Variants in PCDHGB2 observed in about 807,000 individuals in gnomAD.
PCDHGB2 encodes the protein protocadherin gamma subfamily B, 2, also known as protocadherin gamma-B2.
In PCDHGB2, 55 loss-of-function variants were observed where a neutral mutation model predicts 59.3. The observed-to-expected ratio is 0.93, with a 90% CI of 0.75 to 1.16. PCDHGB2 has a LOEUF of 1.16. Among genes scored for constraint, PCDHGB2 ranks in the 50% most tolerant of loss-of-function variants. The pLI, the probability that PCDHGB2 is intolerant of heterozygous loss-of-function variation, is 0.00. For synonymous variants in PCDHGB2, 516 were observed against 512.0 expected, an observed-to-expected ratio of 1.01 and a Z score of -0.11; for missense variants, 1,228 against 1,198.5, an observed-to-expected ratio of 1.02 and a Z score of -0.36.
At chr5:141,442,837 A>G (rs2098346617) in intron 1 of PCDHGB2, among the ~76,000 whole-genome samples, 1 of 152,202 alleles carries the variant, frequency 6.6e-6, no homozygotes, top group Admixed American at 6.5e-5. Flanking sequence ...GGGAGGGACA[A>G]ATCTTGGCCA....
Position 141,362,286 on chromosome 5 carries a change from C to T in PCDHGB2, c.2151C>T (p.Leu717=). 6.2e-7 allele frequency: 1 copy of T among 1,614,082 alleles called. No homozygotes were observed. The highest frequency in any genetic ancestry group is 8.5e-7 in the Non-Finnish European group (1 of 1,179,908). ...TGGCAATCTCCCTGCGCCTGCGACT[C>T]TCTTCCAGGTCAGATGCTTGGGACT... ...VILAISLRLR[L]SSRSDAWDCF... is the part of the protein sequence containing the mutation. Residue 717 remains leucine (L), a synonymous_variant, in exon 1 of 4, where the codon CTC becomes CTT. Coordinates refer to ENST00000522605, the MANE Select transcript of PCDHGB2 (RefSeq NM_018923.3).
intron 1 of PCDHGB2, among the ~76,000 whole-genome samples, chr5:141,470,845 G>T (rs1381257094): frequency 1.3e-5 from 2 of 151,972 alleles, no homozygotes; most frequent in African/African-American, 4.8e-5. Flanking sequence ...ACGCCACCAT[G>T]CTCAGATAAG....
At chr5:141,376,011 T>C (rs1173303153) in intron 1 of PCDHGB2, 1 of 1,613,332 alleles carries the variant, frequency 6.2e-7, no homozygotes, top group Non-Finnish European at 8.5e-7. Context: ...CAGAGCCTAG[T>C]GGTGGCCGTC....
At position 141,494,841 on chromosome 5, in the gene PCDHGB2, A is replaced by G. The variant is rs1163193977; in HGVS notation, c.2456A>G (p.Gln819Arg). ...APPNTDWRFS[Q>R]AQRPGTSGSQ... ...CCCAACACGGACTGGCGTTTCTCTC[A>G]GGCCCAGAGACCCGGCACCAGCGGG... The change falls in exon 2 of 4, where the codon CAG (glutamine) becomes CGG (arginine). Residue 819 changes from glutamine to arginine, a missense_variant. Gln to Arg is a conservative substitution (Grantham distance 43). Coordinates refer to ENST00000522605, the MANE Select transcript of PCDHGB2 (RefSeq NM_018923.3). 1 of 1,613,996 alleles carries G rather than the reference A, an allele frequency of 6.2e-7. No homozygotes were observed. The highest frequency in any genetic ancestry group is 1.1e-5 in the South Asian group (1 of 91,074).
intron 1 of PCDHGB2, chr5:141,374,138 C>A: frequency 6.2e-7 from 1 of 1,608,824 alleles, no homozygotes. Context: ...GCTCCTCACG[C>A]TCCTGGGGAC....
intron 1 of PCDHGB2, among the ~76,000 whole-genome samples, chr5:141,454,829 A>T (rs2098803417): frequency 1.4e-5 from 1 of 70,192 alleles, no homozygotes. Context: ...TTTTTTTGAG[A>T]CAGAGTCGCG....
intron 1 of PCDHGB2, chr5:141,371,293 A>T (rs748951789): frequency 1.2e-6 from 2 of 1,614,006 alleles, no homozygotes; most frequent in Non-Finnish European, 1.7e-6. Context: ...AAAACGGGGG[A>T]ACTCACCACT....
At position 141,408,137 on chromosome 5, in the gene PCDHGB2, T is replaced by C; in HGVS notation, c.2421+45581T>C. ...CTCCTGTCCTGGGCCGAATGCTCTT[T>C]TAGCGCGGTAGAGTGCACTTTCTCC... On this transcript the variant is annotated intron_variant, in intron 1 of 3. Coordinates refer to ENST00000522605, the MANE Select transcript of PCDHGB2 (RefSeq NM_018923.3). 4.0e-6 allele frequency: 6 copies of C among 1,488,870 alleles called. No individual in the cohort carries two copies. The South Asian group carries it at 8.2e-5, about 20-fold the overall frequency. 92.2% of individuals were successfully genotyped at this position (1,488,870 alleles called of 1,614,324 possible).
intron 1 of PCDHGB2, chr5:141,399,149 C>A: frequency 6.2e-7 from 1 of 1,613,772 alleles, no homozygotes; most frequent in Non-Finnish European, 8.5e-7. Flanking sequence ...GACAATAGCC[C>A]AGAAGTTACA....
At chr5:141,393,592 G>A (rs200863279) in intron 1 of PCDHGB2, 127 of 1,613,790 alleles carry the variant, frequency 7.9e-5, no homozygotes, top group Non-Finnish European at 1.0e-4. Context: ...CCAGGCACGC[G>A]GCTGCTTACT....
intron 1 of PCDHGB2, chr5:141,414,961 G>T: frequency 6.2e-7 from 1 of 1,614,028 alleles, no homozygotes; most frequent in South Asian, 1.1e-5. Flanking sequence ...GACCAAGGTG[G>T]TGGCGGTGGA....
At chr5:141,427,599 C>G (rs1233253295) in intron 1 of PCDHGB2, 1 of 682,980 alleles carries the variant, frequency 1.5e-6, no homozygotes, top group African/African-American at 1.8e-5. Flanking sequence ...CCTCACCCTA[C>G]GCATTGGTGA....
chr5:141,398,568 G>C, intron 1 of PCDHGB2: 1 of 1,614,014 alleles, frequency 6.2e-7, no homozygotes, highest in African/African-American at 1.3e-5. Context: ...AGTCTGCACA[G>C]CCTGGCACAA....
At position 141,361,782 on chromosome 5, in the gene PCDHGB2, C is replaced by T. The variant is rs1762181637; in HGVS notation, c.1647C>T (p.Arg549=). Residue 549 remains arginine (R), a synonymous_variant, in exon 1 of 4, where the codon CGC becomes CGT. Transcript: ENST00000522605. ...CGCTCAGCGCCAACGTGAGCCTGCG[C>T]GTGTTAGTGGGCGACCTCAATGACA... is the stretch of plus-strand genomic sequence containing the variant. ...SPALSANVSL[R]VLVGDLNDNA... The T allele has an allele frequency of 1.9e-6, 3 of 1,613,242 alleles. No individual in the cohort carries two copies. The highest frequency in any genetic ancestry group is 2.5e-6 in the Non-Finnish European group (3 of 1,179,756).
At chr5:141,507,286 TC>T in intron 3 of PCDHGB2, 1 of 149,886 alleles carries the variant, frequency 6.7e-6, no homozygotes, top group East Asian at 1.9e-4. Context: ...TAAGTCAGTC[TC>T]AAATGTTGCA....
At chr5:141,394,637 G>C (rs201732776) in intron 1 of PCDHGB2, 4 of 1,613,464 alleles carry the variant, frequency 2.5e-6, no homozygotes, top group African/African-American at 1.3e-5. Flanking sequence ...CCTACCGCCT[G>C]CTCAAGGCCA....
chr5:141,366,170 C>A lies in PCDHGB2; in HGVS notation c.2421+3614C>A, dbSNP rs757055364. 12 of 1,614,082 alleles carry A rather than the reference C, an allele frequency of 7.4e-6. No individual in the cohort carries two copies. The South Asian group carries it at 1.1e-4, about 15-fold the overall frequency. On this transcript the variant is annotated intron_variant, in intron 1 of 3. Coordinates refer to ENST00000522605, the MANE Select transcript of PCDHGB2 (RefSeq NM_018923.3). ...CTACCGCCTGCTTAAGGCCAGCGAG[C>A]CAGGACTCTTTGCGGTTGGGCTGCA...
rs756466649 is a variant in PCDHGB2, at chr5:141,495,663, G to A, written c.2480+798G>A. 1.1e-3 allele frequency among the ~76,000 whole-genome samples: 169 copies of A among 152,164 alleles called. 3 individuals are homozygous for A. The highest frequency in any genetic ancestry group is 1.9e-3 in the Admixed American group (29 of 15,272). ...TTGTCTACTTGCATTGATCTGTGCCGCCCACTGTGCCTGCCATGGCATAAG... is the reference window on the plus strand; with the variant it reads ...TTGTCTACTTGCATTGATCTGTGCCACCCACTGTGCCTGCCATGGCATAAG... On this transcript the variant is annotated intron_variant, in intron 2 of 3. Coordinates refer to ENST00000522605, the MANE Select transcript of PCDHGB2 (RefSeq NM_018923.3).
chr5:141,471,925 G>A (rs1371923375), intron 1 of PCDHGB2, among the ~76,000 whole-genome samples: 1 of 152,076 alleles, frequency 6.6e-6, no homozygotes, highest in Non-Finnish European at 1.5e-5. Flanking sequence ...AAATTTTGGG[G>A]GTGATGAGAG....
Sources: allele counts gnomAD v4.1 joint callset (sites outside exome capture counted in the v4.1 genomes callset), GRCh38; gene constraint gnomAD v4.1.1; transcripts MANE v1.5; gene names NCBI Gene and HGNC (gene_info 2026-07-23, HGNC 2026-07-21).